ZNF805: variants seen among roughly 807,000 people sequenced by gnomAD.
ZNF805 encodes the protein CTC-444N24.8.
A neutral mutation model predicts 13.6 loss-of-function variants in ZNF805; 7 were observed. The ratio of observed to expected loss-of-function variants is 0.51; its 90% CI spans 0.29 to 0.97. The LOEUF is 0.97. ZNF805 is among the 50% of genes least tolerant of loss of function. The probability of loss-of-function intolerance (pLI) is 0.08; values close to 1 mark genes in which losing one functional copy is unlikely to be tolerated. For synonymous variants in ZNF805, 293 were observed against 279.8 expected, an observed-to-expected ratio of 1.05 and a Z score of -0.47; for missense variants, 604 against 771.0, an observed-to-expected ratio of 0.78 and a Z score of 2.57.
chr19:57,242,275 C>G (rs10405008), intron 1 of ZNF805, among the ~76,000 whole-genome samples: 63,745 of 152,152 alleles, frequency 0.42, 14,906 homozygotes, highest in Non-Finnish European at 0.52. Flanking sequence ...ACTTTGCAGT[C>G]TTTCCAGCAA....
Position 57,254,088 on chromosome 19 carries a change from G to C in ZNF805, c.1269G>C (p.Gly423=), listed in dbSNP as rs755824213. ...YLKRHQRIHT[G]EKPYVCSECG... ...AAAGGCACCAGCGGATTCACACTGG[G>C]GAGAAGCCATATGTGTGTAGTGAAT... Residue 423 remains glycine, a synonymous_variant, in exon 4 of 4, where the codon GGG becomes GGC. Transcript: ENST00000414468. 5 of 1,606,690 alleles carry C rather than the reference G, an allele frequency of 3.1e-6. No individual in the cohort carries two copies. In the African/African-American group the frequency reaches 4.1e-5, roughly 13 times the overall value.
intron 2 of ZNF805, among the ~76,000 whole-genome samples, chr19:57,245,733 T>A (rs374278803): frequency 4.0e-5 from 6 of 151,066 alleles, no homozygotes; most frequent in Middle Eastern, 3.4e-3. Context: ...GAGCTGAGAT[T>A]GCACCACTGC....
At chr19:57,244,089 C>CAGG in intron 2 of ZNF805, 40 bp downstream of exon 2, 1 of 1,595,590 alleles carries the variant, frequency 6.3e-7, no homozygotes, top group Non-Finnish European at 8.5e-7. Context: ...GATCTGCCAC[C>CAGG]TCCTTCGTTC....
intron 2 of ZNF805, 71 bp downstream of exon 2, chr19:57,244,120 G>C (rs1264723054): frequency 6.5e-7 from 1 of 1,549,304 alleles, no homozygotes; most frequent in African/African-American, 1.4e-5. Flanking sequence ...CTCCAGGCCT[G>C]ATGGGTCAAG....
rs779073460 is a variant in ZNF805 at position 57,254,606 on chromosome 19, A to G, written c.1787A>G (p.Asn596Ser). ...CTTTTATTGGGGAAAAACTTTTTGA[A>G]TGTCACCACTGAGGAAAATCTTTTG... ...QELLLGKNFL[N>S]VTTEENLLQE... The change falls in exon 4 of 4, where the codon AAT becomes AGT. Residue 596 changes from asparagine (N) to serine (S), a missense_variant. Asn to Ser is a conservative substitution (Grantham distance 46, BLOSUM62 1). Around this residue, in one of 3 missense-constraint regions of ZNF805, gnomAD observed 49 missense variants for 40.0 expected, o/e 1.23. Coordinates refer to ENST00000414468, the MANE Select transcript of ZNF805 (RefSeq NM_001023563.4). 6.2e-7 allele frequency: 1 copy of G among 1,614,128 alleles called. No homozygotes were observed. Among genetic ancestry groups the G allele is most frequent in the East Asian group, 2.2e-5 (1 of 44,884 alleles).
rs1568490457 is a variant in ZNF805 at position 57,254,408 on chromosome 19, C to A, written c.1589C>A (p.Ser530Tyr). The A allele has an allele frequency of 6.2e-7, 1 of 1,612,490 alleles. No individual in the cohort carries two copies. The highest frequency in any genetic ancestry group is 8.5e-7 in the Non-Finnish European group (1 of 1,179,494). The change falls in exon 4 of 4, where the codon TCT becomes TAT. Residue 530 changes from serine (S) to tyrosine (Y), a missense_variant. This residue lies in a region of ZNF805 where 228 missense variants were observed against 352.8 expected (regional missense o/e 0.65). Transcript: ENST00000414468. ...TGGAGCACAAACCTCATTCGACACT[C>A]TATCATCCACACTGGAGAGAAGCCG... ...FCWSTNLIRH[S>Y]IIHTGEKPYE...
Position 57,262,347 on chromosome 19 carries a change from C to CA in ZNF805, c.*7646dup. 1 of 115,316 alleles carries CA rather than the reference C, an allele frequency of 8.7e-6. No homozygotes were observed. The allele number at this position is 115,316 out of a possible 1,614,324, so 7.1% of individuals were successfully genotyped here. A position where few individuals can be genotyped will look rare whatever the true frequency, so the allele number is the denominator to read the frequency against. ...TTATATACGTGTAAACCATTGTAACCAAGAAAAAAAAAAAAAGTCAGAGTC... is the reference window on the plus strand; with the variant it reads ...TTATATACGTGTAAACCATTGTAACCAAAGAAAAAAAAAAAAAGTCAGAGTC... On this transcript the variant is annotated 3_prime_UTR_variant, in exon 4 of 4. Transcript: ENST00000414468.
In ZNF805 at chr19:57,248,648, T is replaced by C. The variant is rs759673134; in HGVS notation, c.201T>C (p.His67=). 5 of 1,600,860 alleles carry C rather than the reference T, an allele frequency of 3.1e-6. No homozygotes were observed. Residue 67 remains histidine, a synonymous_variant, in exon 3 of 4, where the codon CAT becomes CAC. Coordinates refer to ENST00000414468, the MANE Select transcript of ZNF805 (RefSeq NM_001023563.4). ...CTGAGCTGATCTACCACCTAGAGCA[T>C]GGGCAGGAGCCATGGACCAGGAAGG... is the stretch of plus-strand genomic sequence containing the variant. ...PRPELIYHLE[H]GQEPWTRKED...
rs1282517547 is a variant in ZNF805, at chr19:57,260,213, C to A, written c.*5510C>A. 6.6e-6 allele frequency among the ~76,000 whole-genome samples: 1 copy of A among 152,180 alleles called. No individual in the cohort carries two copies. Among genetic ancestry groups the A allele is most frequent in the East Asian group, 1.9e-4 (1 of 5,196 alleles). On this transcript the variant is annotated 3_prime_UTR_variant, in exon 4 of 4. Transcript: ENST00000414468. ...TTGTCTAAGTCCTCTGTCTTTCATA[C>A]TCTTGTTTAGTCTTTAACTTCTCCT...
rs2087680573 is a variant in ZNF805 at position 57,255,207 on chromosome 19, A to C, written c.*504A>C. 1 of 167,342 alleles carries C rather than the reference A, an allele frequency of 6.0e-6. No individual in the cohort carries two copies. The highest frequency in any genetic ancestry group is 6.5e-5 in the Admixed American group (1 of 15,298). The allele number at this position is 167,342 out of a possible 1,614,324, so 10.4% of individuals were successfully genotyped here. On this transcript the variant is annotated 3_prime_UTR_variant, in exon 4 of 4. Transcript: ENST00000414468. ...AAAAAATTCTTTTTTAATGGGTTTT[A>C]AACACTAACACTGAGAATTTTTCTT...
intron 2 of ZNF805, among the ~76,000 whole-genome samples, chr19:57,245,591 A>AAC (rs769757848): frequency 1.3e-5 from 2 of 148,644 alleles, no homozygotes; most frequent in Non-Finnish European, 3.0e-5. Flanking sequence ...CATCCTGGCT[A>AAC]ACACGGTGCA....
rs2122835461 is a variant in ZNF805, at chr19:57,248,692, C to T, written c.245C>T (p.Thr82Ile). The change falls in exon 3 of 4, where the codon ACC (threonine) becomes ATC (isoleucine). Residue 82 changes from threonine (T) to isoleucine (I), a missense_variant. This residue lies in a region of ZNF805 where 327 missense variants were observed against 378.2 expected (regional missense o/e 0.86). Coordinates refer to ENST00000414468, the MANE Select transcript of ZNF805 (RefSeq NM_001023563.4). ...AGGAAGGAAGACCTCTCCCAAGGCA[C>T]CTGTCCAGGTAGGAGCCAAGATCTG... is the stretch of plus-strand genomic sequence containing the variant. ...WTRKEDLSQG[T>I]CPGDKGKPKS... The T allele has an allele frequency of 1.3e-6, 2 of 1,588,724 alleles. No homozygotes were observed. The highest frequency in any genetic ancestry group is 4.5e-5 in the East Asian group (2 of 44,242).
Position 57,254,780 on chromosome 19 carries a change from C to G in ZNF805, c.*77C>G, listed in dbSNP as rs1433121607. On this transcript the variant is annotated 3_prime_UTR_variant, in exon 4 of 4. Coordinates refer to ENST00000414468, the MANE Select transcript of ZNF805 (RefSeq NM_001023563.4). ...AAATCACGCAGCTTAGAGCCTTATT[C>G]TCCATCCGAATTCATCCTGGAAAAA... 2.8e-6 allele frequency: 4 copies of G among 1,430,210 alleles called. No individual in the cohort carries two copies. Among genetic ancestry groups the G allele is most frequent in the Non-Finnish European group, 3.8e-6 (4 of 1,063,212 alleles). 88.6% of individuals were successfully genotyped at this position (1,430,210 alleles called of 1,614,324 possible). A position where few individuals can be genotyped will look rare whatever the true frequency, so the allele number is the denominator to read the frequency against.
chr19:57,249,606 A>T (rs1001383609), intron 3 of ZNF805, among the ~76,000 whole-genome samples: 2 of 152,082 alleles, frequency 1.3e-5, no homozygotes, highest in Non-Finnish European at 2.9e-5. Context: ...AACTCTGGGG[A>T]ATAGGGCCTT....
At chr19:57,252,213 A>G (rs570291128) in intron 3 of ZNF805, among the ~76,000 whole-genome samples, 3 of 152,250 alleles carry the variant, frequency 2.0e-5, no homozygotes, top group East Asian at 1.9e-4. Flanking sequence ...GGTACCTTCT[A>G]TTGGAAAACT....
chr19:57,254,185 G>A lies in ZNF805; in HGVS notation c.1366G>A (p.Glu456Lys), dbSNP rs755386878. The A allele has an allele frequency of 6.8e-6, 11 of 1,613,732 alleles. No individual in the cohort carries two copies. The highest frequency in any genetic ancestry group is 5.3e-5 in the African/African-American group (4 of 74,788). ...KRAHTGEKPF[E>K]CKECGKAFSN... ...GGCCCACACTGGAGAAAAACCTTTC[G>A]AGTGCAAAGAGTGTGGGAAAGCCTT... Residue 456 changes from glutamate (E) to lysine (K), a missense_variant, in exon 4 of 4, where the codon GAG becomes AAG. By Grantham distance (56) the Glu-to-Lys change is moderately conservative. Around this residue, in one of 3 missense-constraint regions of ZNF805, gnomAD observed 228 missense variants for 352.8 expected, o/e 0.65. Transcript: ENST00000414468.
rs2087715672 is a variant in ZNF805 at position 57,260,191 on chromosome 19, T to C, written c.*5488T>C. Reference sequence around the variant, plus strand: ...ACACACCCTTCCCCAACCAAACTTGTCTAAGTCCTCTGTCTTTCATACTCT... The same window carrying C: ...ACACACCCTTCCCCAACCAAACTTGCCTAAGTCCTCTGTCTTTCATACTCT... On this transcript the variant is annotated 3_prime_UTR_variant, in exon 4 of 4. Coordinates refer to ENST00000414468, the MANE Select transcript of ZNF805 (RefSeq NM_001023563.4). Among the ~76,000 whole-genome samples the C allele has an allele frequency of 1.3e-5, 2 of 152,216 alleles. No individual in the cohort carries two copies. The highest frequency in any genetic ancestry group is 2.1e-4 in the South Asian group (1 of 4,834).
rs1195396165 is a variant in ZNF805, at chr19:57,260,527, T to G, written c.*5824T>G. ...CCTCCATACTGCTAAATCTCTGACT[T>G]GAAGGTCCTTTCCTGGCTTCTGTGA... On this transcript the variant is annotated 3_prime_UTR_variant, in exon 4 of 4. Coordinates refer to ENST00000414468, the MANE Select transcript of ZNF805 (RefSeq NM_001023563.4). Among the ~76,000 whole-genome samples, 1 of 152,188 alleles carries G rather than the reference T, an allele frequency of 6.6e-6. No individual in the cohort carries two copies. The highest frequency in any genetic ancestry group is 1.5e-5 in the Non-Finnish European group (1 of 68,026).
rs1310243361 is a variant in ZNF805, at chr19:57,240,755, C to T, written c.-137C>T. The T allele has an allele frequency of 1.0e-5, 8 of 767,546 alleles. No homozygotes were observed. Among genetic ancestry groups the T allele is most frequent in the Non-Finnish European group, 1.0e-5 (5 of 494,702 alleles). 47.5% of individuals were successfully genotyped at this position (767,546 alleles called of 1,614,324 possible). A position where few individuals can be genotyped will look rare whatever the true frequency, so the allele number is the denominator to read the frequency against. ...CCGCGTCTCGGAGCGAACCGTGAGC[C>T]TCCCCGTAACGAGAGAGTTTGACTG... On this transcript the variant is annotated 5_prime_UTR_variant, in exon 1 of 4. Coordinates refer to ENST00000414468, the MANE Select transcript of ZNF805 (RefSeq NM_001023563.4).
Sources: allele counts gnomAD v4.1 joint callset (sites outside exome capture counted in the v4.1 genomes callset), GRCh38; gene constraint gnomAD v4.1.1; regional missense constraint gnomAD v4.1.1; transcripts MANE v1.5; gene names NCBI Gene and HGNC (gene_info 2026-07-23, HGNC 2026-07-21).